MLLT3: variants seen among roughly 807,000 people sequenced by gnomAD.
MLLT3 encodes the protein protein AF-9.
In MLLT3, 4 loss-of-function variants were observed where a neutral mutation model predicts 53.2. The observed-to-expected ratio is 0.08, with a 90% CI of 0.04 to 0.17. The LOEUF (loss-of-function observed/expected upper bound fraction) is 0.17. MLLT3 is among the 10% of genes least tolerant of loss of function. The probability of loss-of-function intolerance (pLI) is 1.00; values close to 1 mark genes in which losing one functional copy is unlikely to be tolerated. For synonymous variants in MLLT3, 283 were observed against 230.6 expected (o/e 1.23, Z -2.06); for missense variants, 569 against 684.0 (o/e 0.83, Z 1.87).
intron 4 of MLLT3, among the ~76,000 whole-genome samples, chr9:20,426,452 T>G (rs1586940926): frequency 6.6e-6 from 1 of 152,200 alleles, no homozygotes; most frequent in East Asian, 1.9e-4. Flanking sequence ...TCACAAATAA[T>G]GGCTGGAAGT....
intron 7 of MLLT3, among the ~76,000 whole-genome samples, chr9:20,361,582 A>G (rs1015221134): frequency 6.6e-6 from 1 of 152,208 alleles, no homozygotes; most frequent in Non-Finnish European, 1.5e-5. Context: ...CAACACAAAG[A>G]AATGGTATGT....
At chr9:20,528,541 G>A (rs565201740) in intron 2 of MLLT3, among the ~76,000 whole-genome samples, 59 of 152,304 alleles carry the variant, frequency 3.9e-4, no homozygotes, top group African/African-American at 1.4e-3. Flanking sequence ...TCAGAGCTGC[G>A]CTCCCCACAA....
At chr9:20,583,848 C>G (rs778910234) in intron 2 of MLLT3, among the ~76,000 whole-genome samples, 1 of 152,146 alleles carries the variant, frequency 6.6e-6, no homozygotes, top group Non-Finnish European at 1.5e-5. Context: ...CCATGAAGGT[C>G]TCTAACATGG....
At chr9:20,478,251 C>T (rs16938069) in intron 2 of MLLT3, among the ~76,000 whole-genome samples, 3 of 152,034 alleles carry the variant, frequency 2.0e-5, no homozygotes, top group Admixed American at 6.6e-5. Context: ...GAAGTTAACA[C>T]GGCATTCTTT....
chr9:20,468,022 T>C (rs1213751424), intron 2 of MLLT3, among the ~76,000 whole-genome samples: 1 of 152,208 alleles, frequency 6.6e-6, no homozygotes, highest in Non-Finnish European at 1.5e-5. Context: ...GAAAGATCCT[T>C]AGGTTCAGAT....
intron 4 of MLLT3, among the ~76,000 whole-genome samples, chr9:20,420,378 T>C (rs1822977223): frequency 6.6e-6 from 1 of 152,084 alleles, no homozygotes; most frequent in Non-Finnish European, 1.5e-5. Context: ...ATCAATTGAT[T>C]GAAAAAAGTT....
chr9:20,590,237 G>A (rs542833978), intron 2 of MLLT3, among the ~76,000 whole-genome samples: 45 of 152,284 alleles, frequency 3.0e-4, no homozygotes, highest in African/African-American at 1.0e-3. Context: ...AGTCAGGGTA[G>A]ATGAAAATGG....
At chr9:20,585,564 C>G (rs1408530589) in intron 2 of MLLT3, among the ~76,000 whole-genome samples, 1 of 152,206 alleles carries the variant, frequency 6.6e-6, no homozygotes, top group Admixed American at 6.5e-5. Context: ...CCCTGTGGAT[C>G]CACATCCTTC....
chr9:20,492,591 CACATATATTAAG>C (rs1824976686), intron 2 of MLLT3, among the ~76,000 whole-genome samples: 1 of 151,734 alleles, frequency 6.6e-6, no homozygotes, highest in Non-Finnish European at 1.5e-5. Flanking sequence ...TTAAATTTCC[CACATATATTAAG>C]ATATATATTA....
At chr9:20,541,572 C>A (rs1239928042) in intron 2 of MLLT3, among the ~76,000 whole-genome samples, 1 of 152,186 alleles carries the variant, frequency 6.6e-6, no homozygotes, top group Non-Finnish European at 1.5e-5. Context: ...CTTCAGATCT[C>A]ATGAGAACTC....
At chr9:20,559,784 T>C (rs1187275569) in intron 2 of MLLT3, among the ~76,000 whole-genome samples, 1 of 152,224 alleles carries the variant, frequency 6.6e-6, no homozygotes, top group Non-Finnish European at 1.5e-5. Flanking sequence ...TTTTATGGAA[T>C]AGTCACTCCT....
intron 2 of MLLT3, among the ~76,000 whole-genome samples, chr9:20,567,304 T>TAAAAAAAAAA (rs35505450): frequency 7.5e-5 from 6 of 79,956 alleles, no homozygotes; most frequent in Non-Finnish European, 1.2e-4. Context: ...CTATATTCAG[T>TAAAAAAAAAA]AAAAAAAAAA....
chr9:20,432,655 CTT>C (rs113168772), intron 4 of MLLT3, among the ~76,000 whole-genome samples: 74 of 150,954 alleles, frequency 4.9e-4, no homozygotes, highest in African/African-American at 1.6e-3. Flanking sequence ...AAAAAAATCG[CTT>C]TTTTTTTCAG....
chr9:20,602,599 C>A (rs778221292), intron 2 of MLLT3, among the ~76,000 whole-genome samples: 5 of 152,092 alleles, frequency 3.3e-5, no homozygotes, highest in Non-Finnish European at 5.9e-5. Flanking sequence ...CAAACTATTT[C>A]CTGTTATCCC....
chr9:20,614,510 T>C (rs1283650058), intron 2 of MLLT3, among the ~76,000 whole-genome samples: 1 of 152,182 alleles, frequency 6.6e-6, no homozygotes. Context: ...TGAATGTTAA[T>C]AGTTAATATT....
chr9:20,424,847 G>A (rs1435218716), intron 4 of MLLT3, among the ~76,000 whole-genome samples: 2 of 152,134 alleles, frequency 1.3e-5, no homozygotes, highest in Admixed American at 1.3e-4. Flanking sequence ...ACCACAAAGT[G>A]AGCCTAATGA....
At chr9:20,410,004 C>G (rs1003482878) in intron 5 of MLLT3, among the ~76,000 whole-genome samples, 9 of 152,144 alleles carry the variant, frequency 5.9e-5, no homozygotes, top group African/African-American at 2.2e-4. Context: ...AATTAAAAAG[C>G]TGAAAGATCT....
At chr9:20,569,209 T>C (rs1486116509) in intron 2 of MLLT3, among the ~76,000 whole-genome samples, 1 of 152,152 alleles carries the variant, frequency 6.6e-6, no homozygotes. Flanking sequence ...ACAGAATGCT[T>C]ACTTATGTGC....
chr9:20,510,308 C>G (rs1361479855), intron 2 of MLLT3, among the ~76,000 whole-genome samples: 1 of 152,094 alleles, frequency 6.6e-6, no homozygotes, highest in East Asian at 1.9e-4. Flanking sequence ...GGCAGAGATA[C>G]ACAAATAAAA....
Sources: gnomAD v4.1 joint callset for allele counts (sites outside exome capture counted in the v4.1 genomes callset) on GRCh38, gnomAD v4.1.1 for gene constraint, MANE v1.5 for transcripts, NCBI Gene and HGNC (gene_info 2026-07-23, HGNC 2026-07-21) for gene names.